ALCAM: variants seen among roughly 807,000 people sequenced by gnomAD.
The protein encoded by ALCAM is activated leukocyte cell adhesion molecule.
ALCAM carries 30 observed loss-of-function variants against 70.9 expected under a neutral mutation model. The ratio of observed to expected loss-of-function variants is 0.42; its 90% confidence interval spans 0.32 to 0.57. The LOEUF (loss-of-function observed/expected upper bound fraction) is 0.57. Among genes scored for constraint, ALCAM ranks in the 20% least tolerant of loss-of-function variants. The pLI is 0.11. For synonymous variants in ALCAM, 249 were observed against 242.5 expected (o/e 1.03, Z -0.25); for missense variants, 591 against 695.1 (o/e 0.85, Z 1.68).
At chr3:105,571,277 T>C (rs1001050786) in intron 14 of ALCAM, among the ~76,000 whole-genome samples, 4 of 152,184 alleles carry the variant, frequency 2.6e-5, no homozygotes, top group South Asian at 4.1e-4. Context: ...ATACTGCTGG[T>C]CTGGGGACCA....
intron 1 of ALCAM, among the ~76,000 whole-genome samples, chr3:105,382,761 T>C (rs1040624991): frequency 6.6e-6 from 1 of 152,048 alleles, no homozygotes; most frequent in African/African-American, 2.4e-5. Context: ...TCTGTTCATA[T>C]CCTTTGCCCA....
intron 1 of ALCAM, among the ~76,000 whole-genome samples, chr3:105,381,190 G>C (rs967050586): frequency 1.3e-4 from 20 of 151,928 alleles, no homozygotes; most frequent in African/African-American, 4.8e-4. Flanking sequence ...AAGCTCTTAA[G>C]AGGTGTTAGT....
chr3:105,550,064 C>T (rs995936160), intron 11 of ALCAM, 63 bp from the exon 12 acceptor site: 56 of 1,455,974 alleles, frequency 3.8e-5, no homozygotes, highest in Non-Finnish European at 4.8e-5. Flanking sequence ...GTCATCATTA[C>T]TCTTTCCTAT....
At chr3:105,422,394 G>T (rs2107418313) in intron 1 of ALCAM, among the ~76,000 whole-genome samples, 1 of 151,454 alleles carries the variant, frequency 6.6e-6, no homozygotes, top group Non-Finnish European at 1.5e-5. Context: ...TACTGGTAAT[G>T]CATTCAGGCA....
chr3:105,454,925 T>C (rs989215088), intron 1 of ALCAM, among the ~76,000 whole-genome samples: 15 of 151,532 alleles, frequency 9.9e-5, no homozygotes, highest in African/African-American at 3.6e-4. Flanking sequence ...AGTGATATGC[T>C]GGCCTCGGCC....
intron 4 of ALCAM, among the ~76,000 whole-genome samples, chr3:105,532,904 G>A (rs1410415199): frequency 6.6e-6 from 1 of 152,124 alleles, no homozygotes; most frequent in Non-Finnish European, 1.5e-5. Context: ...GAAGTAAAGA[G>A]GTGAGATCAG....
At chr3:105,476,141 G>A (rs1938101945) in intron 1 of ALCAM, among the ~76,000 whole-genome samples, 1 of 151,964 alleles carries the variant, frequency 6.6e-6, no homozygotes, top group Non-Finnish European at 1.5e-5. Context: ...AGCTATTGAT[G>A]ATTTCTTCTT....
chr3:105,458,150 C>T (rs1489511211), intron 1 of ALCAM, among the ~76,000 whole-genome samples: 1 of 151,266 alleles, frequency 6.6e-6, no homozygotes, highest in Non-Finnish European at 1.5e-5. Context: ...CTAGGGGCCT[C>T]ACTTCATTCA....
intron 1 of ALCAM, among the ~76,000 whole-genome samples, chr3:105,452,867 T>A (rs894682272): frequency 6.6e-6 from 1 of 152,244 alleles, no homozygotes; most frequent in African/African-American, 2.4e-5. Flanking sequence ...TGCATAAATG[T>A]CTTCTTTTGA....
chr3:105,437,628 A>C (rs969036617), intron 1 of ALCAM, among the ~76,000 whole-genome samples: 2 of 152,082 alleles, frequency 1.3e-5, no homozygotes, highest in Middle Eastern at 6.8e-3. Context: ...TGCTGTCCTA[A>C]TACATATATC....
At chr3:105,467,023 G>T (rs1053830155) in intron 1 of ALCAM, among the ~76,000 whole-genome samples, 4 of 151,352 alleles carry the variant, frequency 2.6e-5, no homozygotes, top group African/African-American at 9.7e-5. Context: ...GTAGAATGGA[G>T]TTTAATTCTC....
At position 105,563,044 on chromosome 3, in the gene ALCAM, G is replaced by A. The variant is rs369742555; in HGVS notation, c.1665-8808G>A. Among the ~76,000 whole-genome samples, 19 of 152,184 alleles carry A rather than the reference G, an allele frequency of 1.2e-4. 2 individuals carry two copies. Among genetic ancestry groups the A allele is most frequent in the African/African-American group, 4.1e-4 (17 of 41,530 alleles). ...TTGTCTCAAACTTCCAACCTCAGGT[G>A]ATCCGCCCTCCTTGGCCTCCTAAAG... On this transcript the variant is annotated intron_variant, in intron 14 of 15. Coordinates refer to ENST00000306107, the MANE Select transcript of ALCAM (RefSeq NM_001627.4).
chr3:105,367,344 C>T lies in ALCAM; in HGVS notation c.-65C>T. On this transcript the variant is annotated 5_prime_UTR_variant, in exon 1 of 16. Coordinates refer to ENST00000306107, the MANE Select transcript of ALCAM (RefSeq NM_001627.4). The stretch of plus-strand genomic sequence containing the variant: ...CCGCCAGCGCGCGGGCACCGCGGGG[C>T]CCGGGACGACGCCCCCTCCTGCGGC... 1.9e-6 allele frequency: 3 copies of T among 1,569,530 alleles called. No homozygotes were observed. The highest frequency in any genetic ancestry group is 2.2e-5 in the South Asian group (2 of 89,220).
intron 1 of ALCAM, among the ~76,000 whole-genome samples, chr3:105,471,228 G>A (rs1219590375): frequency 1.3e-5 from 2 of 151,266 alleles, no homozygotes; most frequent in African/African-American, 4.8e-5. Context: ...ATTTTTTATT[G>A]TTCAGTAACT....
chr3:105,462,740 A>C (rs1338416227), intron 1 of ALCAM, among the ~76,000 whole-genome samples: 1 of 151,392 alleles, frequency 6.6e-6, no homozygotes, highest in Non-Finnish European at 1.5e-5. Context: ...AAACATCATC[A>C]AGCAGTTGAA....
intron 1 of ALCAM, among the ~76,000 whole-genome samples, chr3:105,383,730 C>G (rs1245032159): frequency 2.0e-5 from 3 of 151,640 alleles, no homozygotes; most frequent in Non-Finnish European, 4.4e-5. Flanking sequence ...CCATATTGAA[C>G]ATAGTCTGTT....
intron 1 of ALCAM, among the ~76,000 whole-genome samples, chr3:105,395,693 C>A (rs1935933223): frequency 6.6e-6 from 1 of 151,954 alleles, no homozygotes; most frequent in South Asian, 2.1e-4. Flanking sequence ...CAAGAAGTCT[C>A]TGTAACAGAG....
At chr3:105,396,022 G>A (rs1053078329) in intron 1 of ALCAM, among the ~76,000 whole-genome samples, 1 of 151,976 alleles carries the variant, frequency 6.6e-6, no homozygotes, top group African/African-American at 2.4e-5. Flanking sequence ...TGGAGGAGGG[G>A]AATTTGATAG....
intron 1 of ALCAM, among the ~76,000 whole-genome samples, chr3:105,498,623 T>G (rs972427429): frequency 1.7e-4 from 26 of 152,064 alleles, no homozygotes; most frequent in African/African-American, 5.3e-4. Context: ...ATTCCAGGAG[T>G]GTTCTGCTTT....
Sources: gnomAD v4.1 joint callset for allele counts (sites outside exome capture counted in the v4.1 genomes callset) on GRCh38, gnomAD v4.1.1 for gene constraint, MANE v1.5 for transcripts, NCBI Gene and HGNC (gene_info 2026-07-23, HGNC 2026-07-21) for gene names.